Variants in RSU1 observed in about 807,000 individuals in gnomAD.
RSU1 encodes the protein rsu-1.
In RSU1, 26 loss-of-function variants were observed where a neutral mutation model predicts 31.1. That is an observed-to-expected ratio of 0.84 (90% CI 0.61 to 1.16). RSU1 has a LOEUF of 1.16. Ranked by LOEUF, RSU1 falls within the 50% of genes most tolerant of loss-of-function variation. RSU1 has a pLI of 0.00. For missense variants in RSU1, 320 were observed against 339.1 expected (o/e 0.94, Z 0.44); for synonymous variants, 164 against 136.3 (o/e 1.20, Z -1.41).
At chr10:16,731,806 G>C (rs150424486) in intron 7 of RSU1, among the ~76,000 whole-genome samples, 1 of 151,500 alleles carries the variant, frequency 6.6e-6, no homozygotes, top group South Asian at 2.1e-4. Flanking sequence ...ATCTGTTCTT[G>C]CTCATTTTTT....
chr10:16,710,322 G>C (rs1018705982), intron 7 of RSU1, among the ~76,000 whole-genome samples: 1 of 152,116 alleles, frequency 6.6e-6, no homozygotes, highest in East Asian at 1.9e-4. Context: ...ACTTGCATAC[G>C]TTAAACTACC....
At chr10:16,604,751 G>A (rs1214107885) in intron 8 of RSU1, among the ~76,000 whole-genome samples, 1 of 152,158 alleles carries the variant, frequency 6.6e-6, no homozygotes, top group African/African-American at 2.4e-5. Flanking sequence ...GTGCTTCCCT[G>A]ATGTTAGTGT....
intron 2 of RSU1, among the ~76,000 whole-genome samples, chr10:16,791,949 T>C (rs541305763): frequency 1.0e-3 from 157 of 152,184 alleles, no homozygotes; most frequent in African/African-American, 3.6e-3. Context: ...ACTTCAGAGA[T>C]GGGAAAAAGT....
At chr10:16,722,416 A>G (rs1836284954) in intron 7 of RSU1, among the ~76,000 whole-genome samples, 1 of 152,172 alleles carries the variant, frequency 6.6e-6, no homozygotes, top group Admixed American at 6.5e-5. Context: ...TAGCTGGTGG[A>G]TGTATGAATG....
At position 16,592,968 on chromosome 10, in the gene RSU1, G is replaced by A. The variant is rs952265590; in HGVS notation, c.*426C>T. On this transcript the variant is annotated 3_prime_UTR_variant, in exon 9 of 9. Transcript: ENST00000345264. ...GTAAGTTAAATTAGCATATCTCGGT[G>A]GTGAAGGAAGACTTTTAATAAAGCA... 3 of 154,640 alleles carry A rather than the reference G, an allele frequency of 1.9e-5. No individual in the cohort carries two copies. Among genetic ancestry groups the A allele is most frequent in the African/African-American group, 7.2e-5 (3 of 41,406 alleles). 9.6% of individuals were successfully genotyped at this position (154,640 alleles called of 1,614,324 possible).
chr10:16,612,912 T>C (rs927881377), intron 8 of RSU1, among the ~76,000 whole-genome samples: 4 of 150,342 alleles, frequency 2.7e-5, no homozygotes, highest in African/African-American at 9.8e-5. Flanking sequence ...CCCTGGTTAT[T>C]TGTCCCCTTA....
At chr10:16,614,765 G>T (rs1036287967) in intron 8 of RSU1, among the ~76,000 whole-genome samples, 2 of 152,026 alleles carry the variant, frequency 1.3e-5, no homozygotes, top group African/African-American at 4.8e-5. Context: ...AATTCAAGAG[G>T]ACTCACTAAG....
chr10:16,776,680 C>T (rs915729541), intron 3 of RSU1, among the ~76,000 whole-genome samples: 1 of 151,954 alleles, frequency 6.6e-6, no homozygotes, highest in African/African-American at 2.4e-5. Context: ...TTCAGAGACC[C>T]ACACTTTTGA....
intron 7 of RSU1, among the ~76,000 whole-genome samples, chr10:16,745,929 C>T (rs1484891374): frequency 6.6e-6 from 1 of 152,178 alleles, no homozygotes; most frequent in Non-Finnish European, 1.5e-5. Context: ...AAACAAGACA[C>T]TTATAATCAG....
At chr10:16,808,895 G>C (rs940912481) in intron 2 of RSU1, among the ~76,000 whole-genome samples, 22 of 152,180 alleles carry the variant, frequency 1.4e-4, no homozygotes, top group Non-Finnish European at 3.1e-4. Flanking sequence ...GGACAGCAGG[G>C]ATGCAGAGGG....
chr10:16,740,765 C>CA (rs749648910), intron 7 of RSU1, among the ~76,000 whole-genome samples: 1 of 152,032 alleles, frequency 6.6e-6, no homozygotes, highest in Non-Finnish European at 1.5e-5. Context: ...GCAAAAGTAT[C>CA]AAAAACTCTG....
In RSU1 at chr10:16,792,027, G is replaced by C. The variant is rs1423956762; in HGVS notation, c.110-9943C>G. On this transcript the variant is annotated intron_variant, in intron 2 of 8. Coordinates refer to ENST00000345264, the MANE Select transcript of RSU1 (RefSeq NM_012425.4). Reference sequence around the variant, plus strand: ...CGAACAAAGCCAGGATGAGACACGGGAAATGAGGCCTGAAAACACACAAAA... The same window carrying C: ...CGAACAAAGCCAGGATGAGACACGGCAAATGAGGCCTGAAAACACACAAAA... Among the ~76,000 whole-genome samples, 6 of 152,332 alleles carry C rather than the reference G, an allele frequency of 3.9e-5. No homozygotes were observed. In the East Asian group the frequency reaches 1.2e-3, roughly 29 times the overall value.
At chr10:16,663,535 C>G (rs780363209) in intron 8 of RSU1, among the ~76,000 whole-genome samples, 7 of 152,114 alleles carry the variant, frequency 4.6e-5, no homozygotes, top group Non-Finnish European at 7.4e-5. Context: ...GTGGAACAAG[C>G]CCAGGGCCAT....
chr10:16,782,640 A>G lies in RSU1; in HGVS notation c.110-556T>C, dbSNP rs547213163. 1.1e-4 allele frequency among the ~76,000 whole-genome samples: 16 copies of G among 152,246 alleles called. No individual in the cohort carries two copies. In the East Asian group the frequency reaches 1.9e-3, roughly 18 times the overall value. On this transcript the variant is annotated intron_variant, in intron 2 of 8. Transcript: ENST00000345264. Reference sequence around the variant, plus strand: ...AAACCCTTCACAATTTCTTCTAAACATATTTTGGTTGACATTTCAAAGCAC... The same window carrying G: ...AAACCCTTCACAATTTCTTCTAAACGTATTTTGGTTGACATTTCAAAGCAC...
At chr10:16,809,025 T>G (rs538085245) in intron 2 of RSU1, among the ~76,000 whole-genome samples, 1 of 152,220 alleles carries the variant, frequency 6.6e-6, no homozygotes, top group Non-Finnish European at 1.5e-5. Flanking sequence ...CCGTGGGAAA[T>G]AAATTTCTGT....
intron 8 of RSU1, among the ~76,000 whole-genome samples, chr10:16,601,016 G>A (rs1270234615): frequency 1.3e-5 from 2 of 152,138 alleles, no homozygotes; most frequent in African/African-American, 2.4e-5. Flanking sequence ...CTTGGCTCTA[G>A]GATGTCATCC....
chr10:16,731,082 G>A (rs1020088729), intron 7 of RSU1, among the ~76,000 whole-genome samples: 2 of 152,088 alleles, frequency 1.3e-5, no homozygotes, highest in Non-Finnish European at 2.9e-5. Flanking sequence ...CCAAAGTGCT[G>A]GGATTACAGA....
chr10:16,757,305 A>C (rs1400878964), intron 4 of RSU1, among the ~76,000 whole-genome samples: 1 of 152,160 alleles, frequency 6.6e-6, no homozygotes, highest in Non-Finnish European at 1.5e-5. Context: ...CTGTGACAAT[A>C]AAAATCATTC....
chr10:16,759,538 C>T (rs1407445520), intron 4 of RSU1, among the ~76,000 whole-genome samples: 2 of 152,058 alleles, frequency 1.3e-5, no homozygotes, highest in Non-Finnish European at 2.9e-5. Flanking sequence ...TCCAAATCCA[C>T]AAATATCCAA....
Sources: allele counts gnomAD v4.1 joint callset (sites outside exome capture counted in the v4.1 genomes callset), GRCh38; gene constraint gnomAD v4.1.1; transcripts MANE v1.5; gene names NCBI Gene and HGNC (gene_info 2026-07-23, HGNC 2026-07-21).